Variants in CAP2 observed in about 807,000 individuals in gnomAD.
CAP2 encodes cyclase associated actin cytoskeleton regulatory protein 2.
Under a neutral mutation model 57.7 loss-of-function variants are expected in CAP2, and 24 were observed. The ratio of observed to expected loss-of-function variants is 0.42; its 90% CI spans 0.30 to 0.58. The LOEUF (loss-of-function observed/expected upper bound fraction) is 0.58, where lower values mean the gene tolerates loss of function less well. Ranked by LOEUF, CAP2 falls within the 20% of genes least tolerant of loss-of-function variation. The pLI, the probability that CAP2 is intolerant of heterozygous loss-of-function variation, is 0.22. For synonymous variants in CAP2, 194 were observed against 207.2 expected (o/e 0.94, Z 0.55); for missense variants, 501 against 590.3 (o/e 0.85, Z 1.57).
intron 3 of CAP2, among the ~76,000 whole-genome samples, chr6:17,437,912 G>C (rs748117558): frequency 3.9e-5 from 6 of 152,206 alleles, no homozygotes; most frequent in Non-Finnish European, 7.3e-5. Flanking sequence ...CACTTTTGCT[G>C]TGAGTTGTTT....
intron 3 of CAP2, among the ~76,000 whole-genome samples, chr6:17,442,477 A>G (rs1210755147): frequency 6.6e-6 from 1 of 152,158 alleles, no homozygotes; most frequent in East Asian, 1.9e-4. Context: ...GGTGAATCAC[A>G]TTACCCTTGG....
At chr6:17,536,155 C>T (rs755178302) in intron 7 of CAP2, 18 of 455,634 alleles carry the variant, frequency 4.0e-5, no homozygotes, top group Non-Finnish European at 7.5e-5. Context: ...CATCTGAAGA[C>T]AGTGTCAGGC....
At chr6:17,474,394 C>A (rs1441167496) in intron 4 of CAP2, among the ~76,000 whole-genome samples, 2 of 151,774 alleles carry the variant, frequency 1.3e-5, no homozygotes, top group Non-Finnish European at 2.9e-5. Context: ...TATCTGGAAT[C>A]GTTTGTTAGA....
Position 17,507,218 on chromosome 6 carries a change from T to A in CAP2, c.350T>A (p.Ile117Asn). 2 of 1,614,136 alleles carry A rather than the reference T, an allele frequency of 1.2e-6. No homozygotes were observed. The highest frequency in any genetic ancestry group is 1.7e-6 in the Non-Finnish European group (2 of 1,180,008). The change falls in exon 5 of 13, where the codon ATC (isoleucine) becomes AAC (asparagine). Residue 117 changes from isoleucine (I) to asparagine (N), a missense_variant. Coordinates refer to ENST00000229922, the MANE Select transcript of CAP2 (RefSeq NM_006366.3). ...CCCATATCGGAAAAGATTCAGGAAA[T>A]CCAAACTTTCAGAGAGAGAAACCGG... ...LKPISEKIQE[I>N]QTFRERNRGS...
intron 3 of CAP2, among the ~76,000 whole-genome samples, chr6:17,435,537 C>T (rs1175732033): frequency 2.7e-5 from 2 of 73,270 alleles, no homozygotes; most frequent in Non-Finnish European, 5.1e-5. Context: ...GTGGTGGGGT[C>T]GGGGGAGGGG....
chr6:17,484,825 A>T (rs1224484333), intron 4 of CAP2, among the ~76,000 whole-genome samples: 2 of 152,198 alleles, frequency 1.3e-5, no homozygotes, highest in African/African-American at 4.8e-5. Context: ...ACCTGGAGCC[A>T]TTTCTTTTAC....
At chr6:17,520,599 T>C (rs1342292459) in intron 7 of CAP2, among the ~76,000 whole-genome samples, 2 of 152,178 alleles carry the variant, frequency 1.3e-5, no homozygotes, top group Non-Finnish European at 2.9e-5. Flanking sequence ...TCCAGGTAGA[T>C]ATTTCTTTTC....
At chr6:17,539,704 ACT>A (rs922951842) in intron 8 of CAP2, among the ~76,000 whole-genome samples, 4 of 152,212 alleles carry the variant, frequency 2.6e-5, no homozygotes, top group African/African-American at 9.6e-5. Flanking sequence ...TAAATGGACC[ACT>A]GTGCTGCATC....
At chr6:17,442,022 C>T (rs1170266663) in intron 3 of CAP2, among the ~76,000 whole-genome samples, 2 of 152,128 alleles carry the variant, frequency 1.3e-5, no homozygotes, top group Admixed American at 1.3e-4. Context: ...ATTGCCTGTA[C>T]AAACAAATTA....
chr6:17,556,012 CCT>C (rs1191170457), intron 12 of CAP2, among the ~76,000 whole-genome samples: 1 of 152,220 alleles, frequency 6.6e-6, no homozygotes, highest in African/African-American at 2.4e-5. Context: ...TACTCTCAGG[CCT>C]CTGTTTCCTA....
intron 4 of CAP2, among the ~76,000 whole-genome samples, chr6:17,496,838 C>T (rs1274454616): frequency 6.6e-6 from 1 of 152,158 alleles, no homozygotes; most frequent in African/African-American, 2.4e-5. Flanking sequence ...TGTAGATTTA[C>T]ATCATTTCAG....
At chr6:17,430,751 C>A (rs1759707599) in intron 3 of CAP2, among the ~76,000 whole-genome samples, 1 of 152,102 alleles carries the variant, frequency 6.6e-6, no homozygotes, top group Non-Finnish European at 1.5e-5. Flanking sequence ...GTTGGCCAGG[C>A]TGGTCTTGAA....
chr6:17,547,430 C>T (rs1763070898), intron 11 of CAP2, among the ~76,000 whole-genome samples: 2 of 151,696 alleles, frequency 1.3e-5, no homozygotes, highest in South Asian at 4.2e-4. Flanking sequence ...CTTCAAAATT[C>T]CCATTAAAAT....
chr6:17,423,363 TC>T (rs199673762), intron 2 of CAP2, among the ~76,000 whole-genome samples: 11 of 152,238 alleles, frequency 7.2e-5, no homozygotes, highest in Admixed American at 6.5e-4. Context: ...TAAGTTTTTT[TC>T]CGCACCAACT....
intron 3 of CAP2, among the ~76,000 whole-genome samples, chr6:17,435,779 T>C (rs1008558710): frequency 1.3e-5 from 2 of 149,596 alleles, no homozygotes; most frequent in African/African-American, 4.9e-5. Flanking sequence ...TCAGTCCATC[T>C]AGAGCTTCTT....
chr6:17,497,456 C>G (rs1414405279), intron 4 of CAP2, among the ~76,000 whole-genome samples: 1 of 152,230 alleles, frequency 6.6e-6, no homozygotes, highest in African/African-American at 2.4e-5. Context: ...GCCACCTGAT[C>G]TGTTCTGTTA....
chr6:17,468,717 G>A (rs1760936665), intron 4 of CAP2, among the ~76,000 whole-genome samples: 1 of 152,194 alleles, frequency 6.6e-6, no homozygotes, highest in Non-Finnish European at 1.5e-5. Context: ...TTGATGGAAG[G>A]ATTCTCACAT....
At chr6:17,503,332 G>A (rs1269582141) in intron 4 of CAP2, among the ~76,000 whole-genome samples, 2 of 152,066 alleles carry the variant, frequency 1.3e-5, no homozygotes, top group Non-Finnish European at 2.9e-5. Context: ...AGTCAGGCCG[G>A]GTGCCATAGC....
chr6:17,443,613 T>C (rs1408552319), intron 3 of CAP2, among the ~76,000 whole-genome samples: 5 of 150,482 alleles, frequency 3.3e-5, no homozygotes, highest in African/African-American at 1.2e-4. Context: ...GTGCACTCCC[T>C]CCACTCATCT....
Sources: allele counts gnomAD v4.1 joint callset (sites outside exome capture counted in the v4.1 genomes callset), GRCh38; gene constraint gnomAD v4.1.1; transcripts MANE v1.5; gene names NCBI Gene and HGNC (gene_info 2026-07-23, HGNC 2026-07-21).